Variants in GRB10 observed in about 807,000 individuals in gnomAD.
GRB10 encodes the protein growth factor receptor bound protein 10.
A neutral mutation model predicts 80.9 loss-of-function variants in GRB10; 20 were observed. That is an observed-to-expected ratio of 0.25 (90% CI 0.17 to 0.36). The LOEUF (loss-of-function observed/expected upper bound fraction) is 0.36, where lower values mean the gene tolerates loss of function less well. GRB10 is among the 10% of genes least tolerant of loss of function. GRB10 has a pLI of 1.00. For synonymous variants in GRB10, 291 were observed against 291.5 expected, an observed-to-expected ratio of 1.00 and a Z score of 0.02; for missense variants, 548 against 747.7, an observed-to-expected ratio of 0.73 and a Z score of 3.12.
At chr7:50,688,791 G>C (rs1022607354) in intron 5 of GRB10, among the ~76,000 whole-genome samples, 1 of 151,988 alleles carries the variant, frequency 6.6e-6, no homozygotes, top group African/African-American at 2.4e-5. Flanking sequence ...GGGTGGGTGA[G>C]GGGGGGCAGA....
Position 50,643,521 on chromosome 7 carries a change from A to T in GRB10, c.505-16543T>A, listed in dbSNP as rs1184461094. Among the ~76,000 whole-genome samples the T allele has an allele frequency of 3.3e-5, 5 of 152,374 alleles. No homozygotes were observed. In the East Asian group the frequency reaches 9.6e-4, roughly 29 times the overall value. The stretch of plus-strand genomic sequence containing the variant: ...TTAAAGTGAATGCAAATGGTTCCTG[A>T]ACAGGAATAAAAGAATAACATAAAG... On this transcript the variant is annotated intron_variant, in intron 7 of 18. Transcript: ENST00000401949.
intron 7 of GRB10, among the ~76,000 whole-genome samples, chr7:50,651,894 G>A (rs1460850977): frequency 6.6e-6 from 1 of 152,156 alleles, no homozygotes; most frequent in African/African-American, 2.4e-5. Flanking sequence ...AATCCAAATG[G>A]TCTCTTCTGT....
intron 2 of GRB10, chr7:50,779,902 C>T (rs1212827667): frequency 6.6e-6 from 1 of 152,188 alleles, no homozygotes; most frequent in Non-Finnish European, 1.5e-5. Flanking sequence ...CAGACTCTTC[C>T]AGCTGCCTTC....
At chr7:50,729,635 G>A (rs928623385) in intron 4 of GRB10, among the ~76,000 whole-genome samples, 1 of 152,068 alleles carries the variant, frequency 6.6e-6, no homozygotes, top group Non-Finnish European at 1.5e-5. Context: ...GGACTCTGCC[G>A]TGGCATAATA....
intron 3 of GRB10, among the ~76,000 whole-genome samples, chr7:50,752,830 A>C (rs1396925934): frequency 1.3e-5 from 2 of 152,212 alleles, no homozygotes; most frequent in Non-Finnish European, 2.9e-5. Context: ...GCAACCCCTA[A>C]AACTTCTCCC....
chr7:50,694,500 A>G (rs1037195272), intron 5 of GRB10, among the ~76,000 whole-genome samples: 8 of 152,152 alleles, frequency 5.3e-5, no homozygotes, highest in African/African-American at 1.7e-4. Flanking sequence ...GGATCTCTCA[A>G]TAGAGTGAAT....
chr7:50,758,257 C>A (rs2075332694), intron 2 of GRB10, among the ~76,000 whole-genome samples: 1 of 152,128 alleles, frequency 6.6e-6, no homozygotes, highest in Admixed American at 6.5e-5. Context: ...GACCAGCACA[C>A]TTCACACGCT....
intron 4 of GRB10, among the ~76,000 whole-genome samples, chr7:50,709,055 C>G (rs1466243621): frequency 1.3e-5 from 2 of 152,178 alleles, no homozygotes; most frequent in African/African-American, 4.8e-5. Flanking sequence ...AGAGGGCAGC[C>G]AAGCTCCTTA....
At chr7:50,789,538 C>T (rs867066935) in intron 1 of GRB10, among the ~76,000 whole-genome samples, 11 of 152,066 alleles carry the variant, frequency 7.2e-5, no homozygotes, top group Non-Finnish European at 1.2e-4. Context: ...CTGCCCTGGT[C>T]AAATAGAGCA....
intron 17 of GRB10, among the ~76,000 whole-genome samples, chr7:50,603,190 T>A (rs1005876377): frequency 1.3e-5 from 2 of 152,246 alleles, no homozygotes; most frequent in Non-Finnish European, 2.9e-5. Flanking sequence ...TCAGGGAGGA[T>A]GATCAGCCTG....
intron 6 of GRB10, among the ~76,000 whole-genome samples, chr7:50,673,789 C>A (rs2060607489): frequency 6.6e-6 from 1 of 152,190 alleles, no homozygotes; most frequent in South Asian, 2.1e-4. Flanking sequence ...AAAAGGCACA[C>A]AAAGTGCTTC....
chr7:50,756,913 C>T (rs542626281), intron 2 of GRB10, among the ~76,000 whole-genome samples: 176 of 152,292 alleles, frequency 1.2e-3, no homozygotes, highest in African/African-American at 4.2e-3. Context: ...AGCAAGGGTG[C>T]CATCCAGGAG....
chr7:50,756,587 G>A (rs752871007), intron 2 of GRB10, among the ~76,000 whole-genome samples: 14 of 152,206 alleles, frequency 9.2e-5, no homozygotes, highest in Non-Finnish European at 1.5e-4. Context: ...GCAGACCTGG[G>A]GTTCCAATTC....
intron 3 of GRB10, among the ~76,000 whole-genome samples, chr7:50,743,426 C>T (rs1351822673): frequency 1.3e-5 from 2 of 152,194 alleles, no homozygotes; most frequent in Non-Finnish European, 2.9e-5. Flanking sequence ...GAAACGTAAG[C>T]GTGGGTCAGA....
At chr7:50,597,066 A>G (rs907553380) in intron 17 of GRB10, among the ~76,000 whole-genome samples, 1 of 152,232 alleles carries the variant, frequency 6.6e-6, no homozygotes, top group African/African-American at 2.4e-5. Flanking sequence ...TGAAGATGGA[A>G]AGCAGTTAAA....
Position 50,614,608 on chromosome 7 carries a change from C to T in GRB10, c.1095+162G>A, listed in dbSNP as rs532475343. ...TGAGCTACTCAAGGACTGATAGCAG[C>T]AAGTGTACAATAAATGTTTTTACAG... On this transcript the variant is annotated intron_variant, in intron 12 of 18. Transcript: ENST00000401949. 1.5e-4 allele frequency among the ~76,000 whole-genome samples: 14 copies of T among 93,308 alleles called. No individual in the cohort carries two copies. In the East Asian group the frequency reaches 3.0e-3, roughly 20 times the overall value. 61.2% of individuals were successfully genotyped at this position (93,308 alleles called of 152,430 possible).
intron 9 of GRB10, 130 bp from the exon 10 acceptor site, chr7:50,618,269 G>A (rs889208958): frequency 1.6e-5 from 12 of 734,824 alleles, no homozygotes; most frequent in East Asian, 1.6e-4. Context: ...TTAAAATGGC[G>A]GTCCTTTTTA....
intron 17 of GRB10, among the ~76,000 whole-genome samples, chr7:50,599,397 ATC>A (rs1360910457): frequency 6.6e-6 from 1 of 152,158 alleles, no homozygotes; most frequent in Non-Finnish European, 1.5e-5. Flanking sequence ...TGCCTTCATC[ATC>A]TCTGCAGGGA....
At chr7:50,767,195 G>A (rs1458628667) in intron 2 of GRB10, among the ~76,000 whole-genome samples, 1 of 152,154 alleles carries the variant, frequency 6.6e-6, no homozygotes. Flanking sequence ...CCACTGCCTG[G>A]CTGCCGGGAA....
Sources: allele counts gnomAD v4.1 joint callset (sites outside exome capture counted in the v4.1 genomes callset), GRCh38; gene constraint gnomAD v4.1.1; transcripts MANE v1.5; gene names NCBI Gene and HGNC (gene_info 2026-07-23, HGNC 2026-07-21).